Variants in KLF13 observed in about 807,000 individuals in gnomAD.
The protein encoded by KLF13 is KLF transcription factor 13, also known as Krueppel-like factor 13.
Under a neutral mutation model 16.7 loss-of-function variants are expected in KLF13, and 8 were observed. That is an observed-to-expected ratio of 0.48 (90% CI 0.28 to 0.87). The LOEUF (loss-of-function observed/expected upper bound fraction) is 0.87. Among genes scored for constraint, KLF13 ranks in the 40% least tolerant of loss-of-function variants. The pLI is 0.10. For missense variants in KLF13, 447 were observed against 452.2 expected (o/e 0.99, Z 0.10); for synonymous variants, 245 against 208.4 (o/e 1.18, Z -1.51).
At chr15:31,405,237 C>T (rs916643222), downstream of KLF13, among the ~76,000 whole-genome samples, 10 of 152,136 alleles carry the variant, frequency 6.6e-5, no homozygotes, top group African/African-American at 2.2e-4. Context: ...TTGCATGAAG[C>T]CGGGAGGCAG....
intron 2 of KLF13, among the ~76,000 whole-genome samples, chr15:31,403,146 C>T (rs1375386581): frequency 7.2e-5 from 11 of 152,202 alleles, no homozygotes. Context: ...AGTATAGATA[C>T]GTCTGCTGAT....
intron 1 of KLF13, among the ~76,000 whole-genome samples, chr15:31,361,819 C>G (rs2039393593): frequency 7.9e-6 from 1 of 126,788 alleles, no homozygotes; most frequent in Non-Finnish European, 1.6e-5. Flanking sequence ...GTGCCCCCCA[C>G]CCCCCACCCC....
intron 1 of KLF13, among the ~76,000 whole-genome samples, chr15:31,330,648 A>AG (rs1269372176): frequency 6.6e-6 from 1 of 152,220 alleles, no homozygotes; most frequent in African/African-American, 2.4e-5. Context: ...CTGCATGCTA[A>AG]GAGCTTTCTG....
At chr15:31,382,666 G>C (rs1394167530), downstream of KLF13, among the ~76,000 whole-genome samples, 1 of 152,212 alleles carries the variant, frequency 6.6e-6, no homozygotes, top group Non-Finnish European at 1.5e-5. Context: ...CCTCTAAAAA[G>C]ATGAGCAAGC....
downstream of KLF13, among the ~76,000 whole-genome samples, chr15:31,380,898 G>A (rs577914701): frequency 2.6e-4 from 40 of 152,314 alleles, no homozygotes; most frequent in African/African-American, 9.1e-4. Flanking sequence ...TGCTGGCTGG[G>A]CACAGTGGCT....
At chr15:31,338,507 C>T (rs1281081798) in intron 1 of KLF13, among the ~76,000 whole-genome samples, 3 of 152,170 alleles carry the variant, frequency 2.0e-5, no homozygotes, top group Non-Finnish European at 4.4e-5. Context: ...CCTATGAACC[C>T]CAGTGGGGCT....
At chr15:31,392,793 C>A (rs943520206), upstream of KLF13, 1 of 151,256 alleles carries the variant, frequency 6.6e-6, no homozygotes, top group Non-Finnish European at 1.5e-5. Context: ...GGCCCCACAC[C>A]CATTTCTGTG....
chr15:31,399,042 C>T (rs1440184801), intron 2 of KLF13, among the ~76,000 whole-genome samples: 3 of 152,142 alleles, frequency 2.0e-5, no homozygotes, highest in East Asian at 3.9e-4. Flanking sequence ...GTGAAGAGGA[C>T]GGTGCTGGCT....
At chr15:31,352,818 A>G (rs1283768929) in intron 1 of KLF13, among the ~76,000 whole-genome samples, 1 of 152,228 alleles carries the variant, frequency 6.6e-6, no homozygotes, top group African/African-American at 2.4e-5. Context: ...GGCTGAGCCA[A>G]GTTCCCTTAG....
chr15:31,397,880 G>GT (rs1555380283), intron 2 of KLF13, among the ~76,000 whole-genome samples: 3 of 146,354 alleles, frequency 2.0e-5, no homozygotes, highest in Non-Finnish European at 4.4e-5. Flanking sequence ...GCGGCGGGGG[G>GT]GGTGGTGATC....
intron 1 of KLF13, among the ~76,000 whole-genome samples, chr15:31,339,191 G>A (rs2038981958): frequency 6.6e-6 from 1 of 152,130 alleles, no homozygotes; most frequent in African/African-American, 2.4e-5. Flanking sequence ...ATGGCTCCAA[G>A]TGCTCCTGGC....
intron 1 of KLF13, among the ~76,000 whole-genome samples, chr15:31,329,824 C>T (rs1419961520): frequency 6.6e-6 from 1 of 152,168 alleles, no homozygotes; most frequent in Non-Finnish European, 1.5e-5. Flanking sequence ...GGGTGGAAGC[C>T]GGCCTCCAAG....
chr15:31,327,299 G>A lies in KLF13; in HGVS notation c.87G>A (p.Glu29=), dbSNP rs1211496230. 2.3e-6 allele frequency: 3 copies of A among 1,305,756 alleles called. No homozygotes were observed. Among genetic ancestry groups the A allele is most frequent in the South Asian group, 2.0e-5 (1 of 49,340 alleles). The allele number at this position is 1,305,756 out of a possible 1,614,324, so 80.9% of individuals were successfully genotyped here. ...GCGCGGTCGTGCACGGGCCGCGGGAGGGGCCGGAGTCCCGGCCCGAGGGCG... is the reference window on the plus strand; with the variant it reads ...GCGCGGTCGTGCACGGGCCGCGGGAAGGGCCGGAGTCCCGGCCCGAGGGCG... The part of the protein sequence containing the change: ...SSRAVVHGPR[E]GPESRPEGAA... Residue 29 remains glutamate, a synonymous_variant, in exon 1 of 2, where the codon GAG becomes GAA. Transcript: ENST00000307145.
intron 1 of KLF13, among the ~76,000 whole-genome samples, chr15:31,354,513 T>C (rs1212888549): frequency 6.6e-6 from 1 of 152,220 alleles, no homozygotes; most frequent in Non-Finnish European, 1.5e-5. Flanking sequence ...CTCAAGTAGC[T>C]GGGATTACAG....
chr15:31,364,741 C>G (rs967318968), intron 1 of KLF13, among the ~76,000 whole-genome samples: 1 of 152,272 alleles, frequency 6.6e-6, no homozygotes, highest in Non-Finnish European at 1.5e-5. Context: ...AGCTCACTCT[C>G]TCCTCCTGGG....
chr15:31,337,776 G>A (rs1222458307), intron 1 of KLF13, among the ~76,000 whole-genome samples: 1 of 152,212 alleles, frequency 6.6e-6, no homozygotes, highest in African/African-American at 2.4e-5. Context: ...CGTCCCACGT[G>A]GACTGTCATT....
At chr15:31,390,943 C>T (rs1326027517), upstream of KLF13, among the ~76,000 whole-genome samples, 1 of 151,710 alleles carries the variant, frequency 6.6e-6, no homozygotes, top group African/African-American at 2.4e-5. Context: ...TTCTGGCCAT[C>T]CCTGTCCCCA....
At position 31,327,388 on chromosome 15, in the gene KLF13, C is replaced by T; in HGVS notation, c.176C>T (p.Ala59Val). 1.5e-6 allele frequency: 2 copies of T among 1,291,790 alleles called. No homozygotes were observed. The highest frequency in any genetic ancestry group is 3.1e-5 in the African/African-American group (2 of 63,910). The allele number at this position is 1,291,790 out of a possible 1,614,324, so 80.0% of individuals were successfully genotyped here. A position where few individuals can be genotyped will look rare whatever the true frequency, so the allele number is the denominator to read the frequency against. The change falls in exon 1 of 2, where the codon GCC becomes GTC. Residue 59 changes from alanine to valine, a missense_variant. This residue lies in a region of KLF13 where 359 missense variants were observed against 282.8 expected (regional missense o/e 1.27). Coordinates refer to ENST00000307145, the MANE Select transcript of KLF13 (RefSeq NM_015995.4). The stretch of plus-strand genomic sequence containing the variant: ...GAGCGCCGCGACGGTAAGGACAGCG[C>T]CTCGCTCTTCGTGGTGGCGCGGATC... ...VEERRDGKDSASLFVVARILA... is the reference protein window; with the variant it reads ...VEERRDGKDSVSLFVVARILA...
intron 1 of KLF13, among the ~76,000 whole-genome samples, chr15:31,370,425 C>CT (rs58293460): frequency 0.052 from 7,602 of 145,120 alleles, 295 homozygotes; most frequent in East Asian, 0.13. Context: ...GTTGTTTTTG[C>CT]TTTTTTTTTT....
Sources: allele counts gnomAD v4.1 joint callset (sites outside exome capture counted in the v4.1 genomes callset), GRCh38; gene constraint gnomAD v4.1.1; regional missense constraint gnomAD v4.1.1; transcripts MANE v1.5; gene names NCBI Gene and HGNC (gene_info 2026-07-23, HGNC 2026-07-21).